The following EHBP1 variants were observed in gnomAD, a reference collection of about 807,000 sequenced individuals.
EHBP1 encodes the protein EH domain-binding protein 1.
EHBP1 carries 55 observed loss-of-function variants against 144.0 expected under a neutral mutation model. The ratio of observed to expected loss-of-function variants is 0.38; its 90% CI spans 0.31 to 0.48. EHBP1 has a LOEUF of 0.48. Among genes scored for constraint, EHBP1 ranks in the 20% least tolerant of loss-of-function variants. EHBP1 has a pLI of 0.98. For missense variants in EHBP1, 1,200 were observed against 1,364.2 expected, an observed-to-expected ratio of 0.88 and a Z score of 1.90; for synonymous variants, 469 against 472.7, an observed-to-expected ratio of 0.99 and a Z score of 0.10.
intron 13 of EHBP1, among the ~76,000 whole-genome samples, chr2:62,954,026 A>G (rs2153106923): frequency 6.6e-6 from 1 of 152,338 alleles, no homozygotes; most frequent in South Asian, 2.1e-4. Context: ...GCCAGTGCTC[A>G]GTACATTATG....
chr2:62,710,182 G>A (rs185079018), intron 2 of EHBP1, among the ~76,000 whole-genome samples: 1 of 152,168 alleles, frequency 6.6e-6, no homozygotes, highest in East Asian at 1.9e-4. Flanking sequence ...TACTATATGA[G>A]TTCTCAAAGG....
chr2:63,031,362 A>G (rs1272927456), intron 19 of EHBP1, among the ~76,000 whole-genome samples: 1 of 152,188 alleles, frequency 6.6e-6, no homozygotes, highest in Non-Finnish European at 1.5e-5. Flanking sequence ...AGGTCGCTTA[A>G]TTGATTCTCC....
At chr2:62,868,340 T>C (rs1387226090) in intron 9 of EHBP1, among the ~76,000 whole-genome samples, 2 of 151,966 alleles carry the variant, frequency 1.3e-5, no homozygotes, top group Non-Finnish European at 2.9e-5. Flanking sequence ...GATCACACCA[T>C]TGTACTGCAG....
At chr2:62,746,449 G>A (rs779313968) in intron 2 of EHBP1, among the ~76,000 whole-genome samples, 1 of 151,926 alleles carries the variant, frequency 6.6e-6, no homozygotes, top group Non-Finnish European at 1.5e-5. Flanking sequence ...CTGAAAGCAC[G>A]GGATTCCAGT....
chr2:62,836,062 G>C (rs1426718211), intron 7 of EHBP1, among the ~76,000 whole-genome samples: 2 of 152,140 alleles, frequency 1.3e-5, no homozygotes, highest in East Asian at 1.9e-4. Flanking sequence ...CAAAAAGACA[G>C]CAGTATCCTC....
chr2:62,997,656 G>C (rs1032151060), intron 19 of EHBP1, among the ~76,000 whole-genome samples: 4 of 151,978 alleles, frequency 2.6e-5, no homozygotes, highest in African/African-American at 9.7e-5. Context: ...CATGATTTAG[G>C]ATTGGAAAGC....
Position 62,837,986 on chromosome 2 carries a change from G to A in EHBP1, c.634+6828G>A, listed in dbSNP as rs1490654615. Among the ~76,000 whole-genome samples, 114 of 147,322 alleles carry A rather than the reference G, an allele frequency of 7.7e-4. 1 individual carries two copies. Among genetic ancestry groups the A allele is most frequent in the South Asian group, 1.2e-3 (5 of 4,332 alleles). The stretch of plus-strand genomic sequence containing the variant: ...AATTGAACTCAGCTCTGCACCAAGC[G>A]GACCTAATAGACATCTACAGAACTC... On this transcript the variant is annotated intron_variant, in intron 7 of 22. Coordinates refer to ENST00000431489, the MANE Select transcript of EHBP1 (RefSeq NM_001142616.3).
rs1157397512 is a variant in EHBP1, at chr2:62,957,641, C to CTTTTTTTTTTTTTT, written c.2460+1990_2460+2003dup. 9.3e-4 allele frequency among the ~76,000 whole-genome samples: 81 copies of CTTTTTTTTTTTTTT among 87,174 alleles called. 12 individuals carry two copies. The highest frequency in any genetic ancestry group is 0.011 in the Middle Eastern group (1 of 88). 57.2% of individuals were successfully genotyped at this position (87,174 alleles called of 152,430 possible). On this transcript the variant is annotated intron_variant, in intron 14 of 22. Transcript: ENST00000431489. Reference sequence around the variant, plus strand: ...TAAAATTAATATTTGAAAATAAATGCTTTTTTTTTTTTTTTTTTTTTTGAG... The same window carrying CTTTTTTTTTTTTTT: ...TAAAATTAATATTTGAAAATAAATGCTTTTTTTTTTTTTTTTTTTTTTTTTTTTTTTTTTTTGAG...
At chr2:62,909,255 T>C (rs950396129) in intron 10 of EHBP1, among the ~76,000 whole-genome samples, 1 of 152,108 alleles carries the variant, frequency 6.6e-6, no homozygotes, top group African/African-American at 2.4e-5. Flanking sequence ...CTTGGCTCAA[T>C]GCAACCTCCA....
At chr2:62,906,958 T>C (rs2053857547) in intron 10 of EHBP1, among the ~76,000 whole-genome samples, 1 of 152,218 alleles carries the variant, frequency 6.6e-6, no homozygotes, top group Non-Finnish European at 1.5e-5. Context: ...TCATCTGGGT[T>C]TCGCATGTAT....
chr2:63,042,165 A>G (rs1395429658), intron 21 of EHBP1, among the ~76,000 whole-genome samples: 3 of 152,110 alleles, frequency 2.0e-5, no homozygotes. Context: ...CCCACATTGT[A>G]GTTTGTCCAA....
At chr2:62,827,904 A>G (rs2046459878) in intron 6 of EHBP1, among the ~76,000 whole-genome samples, 1 of 152,088 alleles carries the variant, frequency 6.6e-6, no homozygotes, top group South Asian at 2.1e-4. Context: ...ATTGACCTCA[A>G]GTGATCCGCC....
intron 14 of EHBP1, among the ~76,000 whole-genome samples, chr2:62,967,840 G>A (rs987291085): frequency 6.6e-6 from 1 of 151,798 alleles, no homozygotes; most frequent in African/African-American, 2.4e-5. Context: ...ACATCTGGTC[G>A]GCTTGCCAAA....
chr2:62,986,583 C>T (rs1054637752), intron 15 of EHBP1, among the ~76,000 whole-genome samples: 12 of 151,822 alleles, frequency 7.9e-5, no homozygotes, highest in African/African-American at 2.2e-4. Context: ...GGACTACAGG[C>T]GCACACCACC....
chr2:62,707,178 C>A lies in EHBP1; in HGVS notation c.-14C>A, dbSNP rs1294382518. ...TGCTAACCCAGAACTGCTCCAGTGT[C>A]TTGACTGATCATCATGGCTTCAGTT... is the stretch of plus-strand genomic sequence containing the variant. On this transcript the variant is annotated 5_prime_UTR_variant, in exon 2 of 23. Coordinates refer to ENST00000431489, the MANE Select transcript of EHBP1 (RefSeq NM_001142616.3). 6.2e-7 allele frequency: 1 copy of A among 1,611,424 alleles called. No homozygotes were observed. The highest frequency in any genetic ancestry group is 1.1e-5 in the South Asian group (1 of 91,022).
chr2:62,957,641 C>CTTTTTGTTTTTTTTTTTTTTTTTTTTT (rs2057769884), intron 14 of EHBP1, among the ~76,000 whole-genome samples: 1 of 87,174 alleles, frequency 1.1e-5, no homozygotes, highest in African/African-American at 5.1e-5. Context: ...AAAATAAATG[C>CTTTTTGTTTTTTTTTTTTTTTTTTTTT]TTTTTTTTTT....
At chr2:62,919,953 T>G (rs2054934456) in intron 10 of EHBP1, among the ~76,000 whole-genome samples, 1 of 151,822 alleles carries the variant, frequency 6.6e-6, no homozygotes, top group South Asian at 2.1e-4. Flanking sequence ...AAAGTTAAGG[T>G]TGAAGAAAAG....
intron 10 of EHBP1, among the ~76,000 whole-genome samples, chr2:62,910,375 C>T (rs1464455763): frequency 1.3e-5 from 2 of 152,086 alleles, no homozygotes; most frequent in Non-Finnish European, 1.5e-5. Flanking sequence ...TTGGATAAAG[C>T]TTCTATGGAA....
chr2:62,764,159 C>A, intron 3 of EHBP1, 107 bp from the exon 4 acceptor site: 1 of 765,354 alleles, frequency 1.3e-6, no homozygotes, highest in Non-Finnish European at 2.0e-6. Context: ...AAATTACTAA[C>A]ATTGCATTTC....
Sources: gnomAD v4.1 joint callset for allele counts (sites outside exome capture counted in the v4.1 genomes callset) on GRCh38, gnomAD v4.1.1 for gene constraint, MANE v1.5 for transcripts, NCBI Gene and HGNC (gene_info 2026-07-23, HGNC 2026-07-21) for gene names.